The following RAB3IP variants were observed in gnomAD, a reference collection of about 807,000 sequenced individuals.
The protein encoded by RAB3IP is RAB3A interacting protein.
A neutral mutation model predicts 59.1 loss-of-function variants in RAB3IP; 36 were observed. That is an observed-to-expected ratio of 0.61 (90% confidence interval 0.47 to 0.80). The LOEUF is 0.80. Among genes scored for constraint, RAB3IP ranks in the 30% least tolerant of loss-of-function variants. The pLI is 0.00. For missense variants in RAB3IP, 511 were observed against 536.0 expected, an observed-to-expected ratio of 0.95 and a Z score of 0.46; for synonymous variants, 207 against 191.2, an observed-to-expected ratio of 1.08 and a Z score of -0.68.
rs1186294406 is a variant in RAB3IP at position 69,798,449 on chromosome 12, G to A, written c.889-1760G>A. On this transcript the variant is annotated intron_variant, in intron 6 of 10. Coordinates refer to ENST00000247833, the MANE Select transcript of RAB3IP (RefSeq NM_022456.5). ...GCCCTTTGTCAGATGAGTAGGTTGC[G>A]AAAATTTTCTCCCATTTTGTAGGTT... Among the ~76,000 whole-genome samples the A allele has an allele frequency of 6.6e-5, 10 of 151,282 alleles. No individual in the cohort carries two copies. In the South Asian group the frequency reaches 1.1e-3, roughly 16 times the overall value.
At chr12:69,756,024 T>C (rs1356730382) in intron 2 of RAB3IP, among the ~76,000 whole-genome samples, 2 of 152,248 alleles carry the variant, frequency 1.3e-5, no homozygotes, top group Non-Finnish European at 2.9e-5. Flanking sequence ...TCACAAAATA[T>C]TCTTTTAAAG....
chr12:69,763,595 A>C (rs1871717819), intron 3 of RAB3IP, among the ~76,000 whole-genome samples: 1 of 152,256 alleles, frequency 6.6e-6, no homozygotes, highest in South Asian at 2.1e-4. Context: ...TCTTGATCTC[A>C]CTTGTTAAAA....
chr12:69,756,438 C>T lies in RAB3IP; in HGVS notation c.285C>T (p.Thr95=), dbSNP rs1279239977. 4.3e-6 allele frequency: 7 copies of T among 1,613,968 alleles called. No homozygotes were observed. The highest frequency in any genetic ancestry group is 5.9e-6 in the Non-Finnish European group (7 of 1,179,962). ...TTACAGACCCAGCCCCTTGCTCTAC[C>T]TCTGGAGTCACAGCTGGATTAACTA... ...FHVTDPAPCS[T]SGVTAGLTKL... Residue 95 remains threonine (T), a synonymous_variant, in exon 3 of 11, where the codon ACC becomes ACT. Coordinates refer to ENST00000247833, the MANE Select transcript of RAB3IP (RefSeq NM_022456.5).
Position 69,812,832 on chromosome 12 carries a change from G to A in RAB3IP, c.1185G>A (p.Gly395=). 1.2e-6 allele frequency: 2 copies of A among 1,613,010 alleles called. No homozygotes were observed. Among genetic ancestry groups the A allele is most frequent in the Middle Eastern group, 1.7e-4 (1 of 6,060 alleles). The part of the protein sequence containing the change: ...SKSCKHRIKL[G]DSSNYYYISP... ...CCTGTAAACACAGAATTAAATTAGG[G>A]GACTCAAGCAACTATTATTATATTT... Residue 395 remains glycine, a synonymous_variant, in exon 9 of 11, where the codon GGG becomes GGA. Transcript: ENST00000247833.
chr12:69,822,771 A>G lies in RAB3IP; in HGVS notation c.*7325A>G, dbSNP rs758829644. On this transcript the variant is annotated 3_prime_UTR_variant, in exon 11 of 11. Coordinates refer to ENST00000247833, the MANE Select transcript of RAB3IP (RefSeq NM_022456.5). ...CGTTGTATGTTTGTATCAAAATATCATATGTACCCCATAAATATGTACAAC... is the reference window on the plus strand; with the variant it reads ...CGTTGTATGTTTGTATCAAAATATCGTATGTACCCCATAAATATGTACAAC... 9 of 152,070 alleles carry G rather than the reference A, an allele frequency of 5.9e-5. No individual in the cohort carries two copies. The highest frequency in any genetic ancestry group is 9.7e-5 in the African/African-American group (4 of 41,400). 9.4% of individuals were successfully genotyped at this position (152,070 alleles called of 1,614,324 possible).
At chr12:69,755,727 T>A (rs1870099118) in intron 2 of RAB3IP, 68 bp downstream of exon 2, 1 of 1,313,948 alleles carries the variant, frequency 7.6e-7, no homozygotes, top group African/African-American at 1.5e-5. Flanking sequence ...TACTATATTT[T>A]AAGTTTTACT....
At chr12:69,804,261 A>AT (rs1302734554) in intron 8 of RAB3IP, among the ~76,000 whole-genome samples, 1 of 152,088 alleles carries the variant, frequency 6.6e-6, no homozygotes, top group Non-Finnish European at 1.5e-5. Flanking sequence ...GATGATGAGC[A>AT]TTTTTTCATG....
intron 3 of RAB3IP, among the ~76,000 whole-genome samples, chr12:69,771,562 T>G (rs986405244): frequency 1.2e-4 from 19 of 152,144 alleles, no homozygotes; most frequent in African/African-American, 4.3e-4. Flanking sequence ...TGATGAACAC[T>G]TAGGTTAATT....
intron 1 of RAB3IP, among the ~76,000 whole-genome samples, chr12:69,742,981 A>G (rs989629481): frequency 6.6e-6 from 1 of 152,270 alleles, no homozygotes; most frequent in Non-Finnish European, 1.5e-5. Flanking sequence ...GTTCAAGTTC[A>G]TGAAAGATTT....
At chr12:69,786,958 G>A (rs992192497) in intron 4 of RAB3IP, among the ~76,000 whole-genome samples, 4 of 152,148 alleles carry the variant, frequency 2.6e-5, no homozygotes, top group African/African-American at 9.7e-5. Context: ...AGTTGTATTC[G>A]AACCAATTAT....
intron 1 of RAB3IP, among the ~76,000 whole-genome samples, chr12:69,751,454 C>T (rs148683297): frequency 3.9e-4 from 59 of 152,166 alleles, no homozygotes; most frequent in African/African-American, 1.3e-3. Context: ...AGTTGGTCAG[C>T]GTTGCTATGC....
chr12:69,809,746 TC>T (rs1479521314), intron 8 of RAB3IP, among the ~76,000 whole-genome samples: 1 of 152,226 alleles, frequency 6.6e-6, no homozygotes. Context: ...GGTTTTCAGC[TC>T]CATCAGGTCC....
intron 4 of RAB3IP, among the ~76,000 whole-genome samples, chr12:69,787,998 T>C (rs1263834396): frequency 2.6e-5 from 4 of 152,166 alleles, no homozygotes; most frequent in African/African-American, 9.6e-5. Context: ...AAAAATATTC[T>C]CATTAAAACA....
rs776667384 is a variant in RAB3IP, at chr12:69,801,677, T to C, written c.1086T>C (p.Pro362=). ...GCATTGAACCAGTGGGATTACAACC[T>C]ATCCGGTTTGTGAAAGCTTCTGCAG... is the stretch of plus-strand genomic sequence containing the variant. ...TLSIEPVGLQ[P]IRFVKASAVE... The change falls in exon 8 of 11, where the codon CCT becomes CCC. Residue 362 remains proline (P), a synonymous_variant. Transcript: ENST00000247833. The C allele has an allele frequency of 1.2e-6, 2 of 1,613,000 alleles. No individual in the cohort carries two copies. The highest frequency in any genetic ancestry group is 2.2e-5 in the East Asian group (1 of 44,818).
chr12:69,789,240 A>C (rs1220216568), intron 4 of RAB3IP, among the ~76,000 whole-genome samples: 1 of 152,078 alleles, frequency 6.6e-6, no homozygotes, highest in Non-Finnish European at 1.5e-5. Context: ...TTTCTTGAAA[A>C]AAATAAAAAC....
chr12:69,807,788 G>T (rs1445721787), intron 8 of RAB3IP, among the ~76,000 whole-genome samples: 1 of 143,660 alleles, frequency 7.0e-6, no homozygotes, highest in South Asian at 2.3e-4. Context: ...TCACCTCCCA[G>T]ATGATGGGCA....
At chr12:69,805,626 T>A (rs1314532545) in intron 8 of RAB3IP, among the ~76,000 whole-genome samples, 1 of 151,540 alleles carries the variant, frequency 6.6e-6, no homozygotes, top group Non-Finnish European at 1.5e-5. Flanking sequence ...TGATATTGGC[T>A]GTGGGTTTGT....
In RAB3IP at chr12:69,762,756, CAAAAAA is replaced by C. The variant is rs11445702; in HGVS notation, c.510+6111_510+6116del. ...TAGGCAACAGAGGGAGACTCCGTCT[CAAAAAA>C]AAAAAAAAAAAAAAAAAGAAAAAAG... On this transcript the variant is annotated intron_variant, in intron 3 of 10. Coordinates refer to ENST00000247833, the MANE Select transcript of RAB3IP (RefSeq NM_022456.5). Among the ~76,000 whole-genome samples the C allele has an allele frequency of 2.7e-4, 21 of 76,766 alleles. No homozygotes were observed. The South Asian group carries it at 5.5e-3, about 20-fold the overall frequency. 50.4% of individuals were successfully genotyped at this position (76,766 alleles called of 152,430 possible). A position where few individuals can be genotyped will look rare whatever the true frequency, so the allele number is the denominator to read the frequency against.
intron 3 of RAB3IP, among the ~76,000 whole-genome samples, chr12:69,758,756 C>CTTTTTTTTTTTTTTTTTTTTTTTTTTT (rs71437121): frequency 6.2e-5 from 3 of 48,208 alleles, no homozygotes; most frequent in South Asian, 1.2e-3. Flanking sequence ...GTGTTCATTC[C>CTTTTTTTTTTTTTTTTTTTTTTTTTTT]TTTTTTTTTT....
Sources: gnomAD v4.1 joint callset for allele counts (sites outside exome capture counted in the v4.1 genomes callset) on GRCh38, gnomAD v4.1.1 for gene constraint, MANE v1.5 for transcripts, NCBI Gene and HGNC (gene_info 2026-07-23, HGNC 2026-07-21) for gene names.